The following ACOXL variants were observed in gnomAD, a reference collection of about 807,000 sequenced individuals.
ACOXL encodes the protein acyl-CoA oxidase like, also known as acyl-coenzyme A oxidase-like protein.
In ACOXL, 70 loss-of-function variants were observed where a neutral mutation model predicts 71.9. The observed-to-expected ratio is 0.97, with a 90% CI of 0.80 to 1.19. The LOEUF (loss-of-function observed/expected upper bound fraction) is 1.19, where lower values mean the gene tolerates loss of function less well. Ranked by LOEUF, ACOXL falls within the 50% of genes most tolerant of loss-of-function variation. The probability of loss-of-function intolerance (pLI) is 0.00; values close to 1 mark genes in which losing one functional copy is unlikely to be tolerated. For synonymous variants in ACOXL, 253 were observed against 281.6 expected, an observed-to-expected ratio of 0.90 and a Z score of 1.02; for missense variants, 703 against 736.3, an observed-to-expected ratio of 0.95 and a Z score of 0.52.
rs200208829 is a variant in ACOXL, at chr2:110,784,827, C to T, written c.159+12C>T. On this transcript the variant is annotated intron_variant, in intron 3 of 17. Transcript: ENST00000439055. Reference sequence around the variant, plus strand: ...CCACAGGAGTGAAGGTGAGAGGCGCCGGGCACCTGCCCTTCATGAATGCAT... The same window carrying T: ...CCACAGGAGTGAAGGTGAGAGGCGCTGGGCACCTGCCCTTCATGAATGCAT... 159 of 1,591,088 alleles carry T rather than the reference C, an allele frequency of 1.0e-4. No homozygotes were observed. Among genetic ancestry groups the T allele is most frequent in the Non-Finnish European group, 1.3e-4 (150 of 1,172,420 alleles).
chr2:110,822,944 T>C (rs1037310341), intron 9 of ACOXL, among the ~76,000 whole-genome samples: 2 of 152,176 alleles, frequency 1.3e-5, no homozygotes, highest in African/African-American at 4.8e-5. Flanking sequence ...CTTCTTTCAC[T>C]TAGTAATATA....
chr2:110,995,499 C>CAAAA (rs567318996), intron 13 of ACOXL, among the ~76,000 whole-genome samples: 3 of 67,290 alleles, frequency 4.5e-5, no homozygotes, highest in African/African-American at 2.0e-4. Flanking sequence ...GACTCTGTCT[C>CAAAA]AAAAAAAAAA....
chr2:110,758,175 C>T (rs148194367), intron 1 of ACOXL, among the ~76,000 whole-genome samples: 132 of 152,246 alleles, frequency 8.7e-4, no homozygotes, highest in African/African-American at 3.2e-3. Flanking sequence ...TTGTTTTTGT[C>T]AGGTTTGTCA....
intron 9 of ACOXL, among the ~76,000 whole-genome samples, chr2:110,816,024 AATAG>A (rs774686871): frequency 4.6e-5 from 7 of 152,016 alleles, no homozygotes; most frequent in Non-Finnish European, 7.4e-5. Context: ...TAGATGGATG[AATAG>A]ATAGATTAAT....
intron 9 of ACOXL, among the ~76,000 whole-genome samples, chr2:110,838,145 G>T (rs908725186): frequency 2.6e-5 from 4 of 152,222 alleles, no homozygotes; most frequent in African/African-American, 9.6e-5. Flanking sequence ...TGGTACACGT[G>T]TGTGCATGTA....
At chr2:111,017,800 T>C (rs1191783704) in intron 14 of ACOXL, 1 of 152,232 alleles carries the variant, frequency 6.6e-6, no homozygotes, top group Non-Finnish European at 1.5e-5. Flanking sequence ...CCTTGGGCAG[T>C]TAGGTAGTGT....
intron 12 of ACOXL, among the ~76,000 whole-genome samples, chr2:110,951,138 G>A (rs781730600): frequency 2.0e-5 from 3 of 152,174 alleles, no homozygotes; most frequent in Non-Finnish European, 4.4e-5. Flanking sequence ...TGTTATGAAC[G>A]TGCCAGCGGA....
chr2:110,851,943 A>G (rs1389986484), intron 10 of ACOXL, among the ~76,000 whole-genome samples: 1 of 152,214 alleles, frequency 6.6e-6, no homozygotes, highest in Non-Finnish European at 1.5e-5. Context: ...ACTGGGTTGA[A>G]TGTCGCTGAG....
chr2:111,002,333 A>G (rs1330123090), intron 14 of ACOXL, among the ~76,000 whole-genome samples: 1 of 152,220 alleles, frequency 6.6e-6, no homozygotes, highest in East Asian at 1.9e-4. Flanking sequence ...AACATCCAAA[A>G]ACAAACAAAC....
intron 14 of ACOXL, chr2:111,018,138 G>C (rs1396596771): frequency 1.3e-5 from 2 of 152,192 alleles, no homozygotes; most frequent in Admixed American, 1.3e-4. Flanking sequence ...CTGCTTACCA[G>C]TTCTGAGGTG....
intron 13 of ACOXL, 150 bp downstream of exon 13, chr2:110,987,367 A>G: frequency 3.0e-6 from 2 of 666,092 alleles, no homozygotes; most frequent in South Asian, 4.0e-5. Context: ...GAATACTCAT[A>G]CACTCACTAC....
rs1209360948 is a variant in ACOXL, at chr2:111,116,308, C to T, written c.1543-1308C>T. On this transcript the variant is annotated intron_variant, in intron 17 of 17. Coordinates refer to ENST00000439055, the MANE Select transcript of ACOXL (RefSeq NM_001142807.4). ...TCTTTTCAGTACTGATTTGATGATGCTTAACCACAGTGTGTGAAGAATGAA... is the reference window on the plus strand; with the variant it reads ...TCTTTTCAGTACTGATTTGATGATGTTTAACCACAGTGTGTGAAGAATGAA... Among the ~76,000 whole-genome samples, 3 of 152,178 alleles carry T rather than the reference C, an allele frequency of 2.0e-5. No individual in the cohort carries two copies. The East Asian group carries it at 5.8e-4, about 29-fold the overall frequency.
chr2:110,787,865 A>G (rs898255171), intron 3 of ACOXL, among the ~76,000 whole-genome samples: 1 of 152,068 alleles, frequency 6.6e-6, no homozygotes, highest in African/African-American at 2.4e-5. Context: ...CTTGAGTCCC[A>G]TCCACTCGCT....
intron 11 of ACOXL, among the ~76,000 whole-genome samples, chr2:110,915,366 G>GTGTGTGTGTGTATGTA (rs1365044862): frequency 4.2e-4 from 59 of 141,006 alleles, no homozygotes; most frequent in African/African-American, 1.2e-3. Context: ...GTGTGTGTGT[G>GTGTGTGTGTGTATGTA]TGTGTGTGTG....
intron 16 of ACOXL, among the ~76,000 whole-genome samples, chr2:111,091,222 C>T (rs2068507106): frequency 6.6e-6 from 1 of 152,162 alleles, no homozygotes; most frequent in African/African-American, 2.4e-5. Context: ...CTCCAGTTAC[C>T]AGCTCCAGGG....
chr2:110,931,335 A>G (rs2060472322), intron 11 of ACOXL, among the ~76,000 whole-genome samples: 1 of 151,920 alleles, frequency 6.6e-6, no homozygotes, highest in Non-Finnish European at 1.5e-5. Flanking sequence ...ACCTATTTCC[A>G]CCCCTGGGGA....
At chr2:111,093,445 A>C in intron 17 of ACOXL, 1 of 1,613,674 alleles carries the variant, frequency 6.2e-7, no homozygotes, top group South Asian at 1.1e-5. Context: ...GAAACAGCAT[A>C]CTCATCAGTA....
intron 15 of ACOXL, among the ~76,000 whole-genome samples, chr2:111,036,413 G>A (rs1366822668): frequency 3.3e-5 from 5 of 152,196 alleles, no homozygotes; most frequent in Admixed American, 6.5e-5. Context: ...TCTAGCACCC[G>A]TTAAATGTGT....
chr2:111,059,886 G>A (rs1558924210), intron 16 of ACOXL, among the ~76,000 whole-genome samples: 1 of 151,694 alleles, frequency 6.6e-6, no homozygotes, highest in South Asian at 2.1e-4. Flanking sequence ...ATAAGGAGGA[G>A]AGGAGGAGAA....
Sources: gnomAD v4.1 joint callset for allele counts (sites outside exome capture counted in the v4.1 genomes callset) on GRCh38, gnomAD v4.1.1 for gene constraint, MANE v1.5 for transcripts, NCBI Gene and HGNC (gene_info 2026-07-23, HGNC 2026-07-21) for gene names.